Variants in SKP2 observed in about 807,000 individuals in gnomAD.
SKP2 encodes the protein S-phase kinase-associated protein 2.
Under a neutral mutation model 51.8 loss-of-function variants are expected in SKP2, and 16 were observed. The ratio of observed to expected loss-of-function variants is 0.31; its 90% CI spans 0.21 to 0.47. The LOEUF (loss-of-function observed/expected upper bound fraction) is 0.47, where lower values mean the gene tolerates loss of function less well. Among genes scored for constraint, SKP2 ranks in the 20% least tolerant of loss-of-function variants. SKP2 has a pLI of 1.00. For synonymous variants in SKP2, 176 were observed against 198.6 expected (o/e 0.89, Z 0.96); for missense variants, 377 against 505.3 (o/e 0.75, Z 2.43).
At chr5:36,177,692 T>C (rs1378255225) in intron 9 of SKP2, among the ~76,000 whole-genome samples, 6 of 152,026 alleles carry the variant, frequency 3.9e-5, no homozygotes, top group Non-Finnish European at 7.4e-5. Flanking sequence ...TTCCAAAACT[T>C]TCATCTGGGC....
Position 36,152,898 on chromosome 5 carries a change from C to T in SKP2, c.136C>T (p.Pro46Ser), listed in dbSNP as rs756921263. ...GGTCTCCGCCCTGGAGAAAGAGGAG[C>T]CCGACAGTGAGAACATCCCCCAGGA... ...MGVSALEKEE[P>S]DSENIPQELL... The change falls in exon 2 of 10, where the codon CCC becomes TCC. Residue 46 changes from proline to serine, a missense_variant. Pro to Ser is a moderately conservative substitution (Grantham distance 74, BLOSUM62 -1). This residue lies in a region of SKP2 where 115 missense variants were observed against 115.5 expected (regional missense o/e 1.00). Transcript: ENST00000274255. 1 of 1,614,026 alleles carries T rather than the reference C, an allele frequency of 6.2e-7. No homozygotes were observed.
At position 36,168,402 on chromosome 5, in the gene SKP2, A is replaced by G. The variant is rs769284911; in HGVS notation, c.626A>G (p.Gln209Arg). 1.2e-6 allele frequency: 2 copies of G among 1,614,204 alleles called. No individual in the cohort carries two copies. The highest frequency in any genetic ancestry group is 1.7e-6 in the Non-Finnish European group (2 of 1,180,020). ...ATACTGTCTCAGTGTTCCAAGTTGC[A>G]GAATCTAAGCCTGGAAGGCCTGCGG... is the stretch of plus-strand genomic sequence containing the variant. ...HGILSQCSKL[Q>R]NLSLEGLRLS... Residue 209 changes from glutamine (Q) to arginine (R), a missense_variant, in exon 5 of 10, where the codon CAG (glutamine) becomes CGG (arginine). By Grantham distance (43) the Gln-to-Arg change is conservative. Transcript: ENST00000274255.
rs113699621 is a variant in SKP2, at chr5:36,156,701, G to A, written c.280+3659G>A. ...ACAGGTGATAGCCATGAAAATGGAG[G>A]TGAACTAATTTGTTGATCAGCTCTT... is the stretch of plus-strand genomic sequence containing the variant. On this transcript the variant is annotated intron_variant, in intron 2 of 9. Coordinates refer to ENST00000274255, the MANE Select transcript of SKP2 (RefSeq NM_005983.4). 3.7e-3 allele frequency among the ~76,000 whole-genome samples: 556 copies of A among 152,310 alleles called. 1 individual carries two copies. The highest frequency in any genetic ancestry group is 5.8e-3 in the Admixed American group (89 of 15,300).
At chr5:36,160,600 T>C (rs553006401) in intron 2 of SKP2, among the ~76,000 whole-genome samples, 5 of 152,212 alleles carry the variant, frequency 3.3e-5, no homozygotes, top group Admixed American at 2.0e-4. Context: ...ACTATACTTA[T>C]AGCTAAATAT....
intron 2 of SKP2, among the ~76,000 whole-genome samples, chr5:36,155,676 A>G (rs1744923727): frequency 6.6e-6 from 1 of 152,192 alleles, no homozygotes; most frequent in Non-Finnish European, 1.5e-5. Context: ...TGTGTCTGGA[A>G]TGTAGCCCTA....
chr5:36,158,663 C>T (rs1391942226), intron 2 of SKP2, among the ~76,000 whole-genome samples: 1 of 152,204 alleles, frequency 6.6e-6, no homozygotes, highest in Non-Finnish European at 1.5e-5. Context: ...GTTTAATTCT[C>T]ACCTTTTCAA....
Position 36,183,047 on chromosome 5 carries a change from T to G in SKP2, c.*1016T>G. On this transcript the variant is annotated 3_prime_UTR_variant, in exon 10 of 10. Transcript: ENST00000274255. ...ATAATTGTTTGAAACTATCCATATA[T>G]AAGGTTATCAGACCTACAGTTCCCT... 1.0e-6 allele frequency: 1 copy of G among 964,744 alleles called. No individual in the cohort carries two copies. The highest frequency in any genetic ancestry group is 1.2e-6 in the Non-Finnish European group (1 of 811,226). 59.8% of individuals were successfully genotyped at this position (964,744 alleles called of 1,614,324 possible). A position where few individuals can be genotyped will look rare whatever the true frequency, so the allele number is the denominator to read the frequency against.
intron 6 of SKP2, among the ~76,000 whole-genome samples, chr5:36,192,289 G>A (rs1429012949): frequency 6.6e-6 from 1 of 152,132 alleles, no homozygotes; most frequent in Admixed American, 6.5e-5. Context: ...CAACTCATTA[G>A]TACATTTACT....
In SKP2 at chr5:36,183,883, A is replaced by G; in HGVS notation, c.*1852A>G. 6.2e-7 allele frequency: 1 copy of G among 1,600,788 alleles called. No homozygotes were observed. Among genetic ancestry groups the G allele is most frequent in the Non-Finnish European group, 8.5e-7 (1 of 1,172,996 alleles). The stretch of plus-strand genomic sequence containing the variant: ...GGTTAGGATCCGGTTGGACTCTGAC[A>G]TCGGATGCCCTCAAACATACAGAAC... On this transcript the variant is annotated 3_prime_UTR_variant, in exon 10 of 10. Transcript: ENST00000274255.
At chr5:36,173,995 G>A (rs1745554327) in intron 7 of SKP2, among the ~76,000 whole-genome samples, 1 of 152,044 alleles carries the variant, frequency 6.6e-6, no homozygotes, top group African/African-American at 2.4e-5. Flanking sequence ...ATCTCTTAGA[G>A]TTACAGGAAA....
intron 2 of SKP2, among the ~76,000 whole-genome samples, chr5:36,157,596 T>C (rs1224301506): frequency 1.3e-5 from 2 of 152,110 alleles, no homozygotes. Context: ...AAAGAAAGCA[T>C]GGGGTATTGC....
intron 7 of SKP2, among the ~76,000 whole-genome samples, chr5:36,175,444 C>T (rs1423492748): frequency 1.3e-5 from 2 of 152,064 alleles, no homozygotes. Context: ...GACGAAAAAA[C>T]CCTCAAATGT....
chr5:36,168,305 G>C lies in SKP2; in HGVS notation c.537-8G>C, dbSNP rs780308267. On this transcript the variant is annotated splice_polypyrimidine_tract_variant and splice_region_variant and intron_variant, in intron 4 of 9. Transcript: ENST00000274255. The stretch of plus-strand genomic sequence containing the variant: ...CCTATGGAGCTCCTTTTTTCTCTCC[G>C]TGTTTAGCCCTTTTCGTGTACAGCA... 1.2e-6 allele frequency: 2 copies of C among 1,610,476 alleles called. No individual in the cohort carries two copies. Among genetic ancestry groups the C allele is most frequent in the Non-Finnish European group, 1.7e-6 (2 of 1,178,680 alleles).
At chr5:36,159,100 G>A (rs1438068269) in intron 2 of SKP2, among the ~76,000 whole-genome samples, 1 of 152,192 alleles carries the variant, frequency 6.6e-6, no homozygotes, top group Non-Finnish European at 1.5e-5. Flanking sequence ...GCAAATCTGG[G>A]CATGGGGCCT....
At chr5:36,187,829 G>A (rs1403882972), downstream of SKP2, among the ~76,000 whole-genome samples, 1 of 152,198 alleles carries the variant, frequency 6.6e-6, no homozygotes, top group Non-Finnish European at 1.5e-5. Flanking sequence ...AATGTTGACA[G>A]TGGGGTGTTA....
chr5:36,191,802 A>G (rs12514998), intron 6 of SKP2, among the ~76,000 whole-genome samples: 1,793 of 152,200 alleles, frequency 0.012, 20 homozygotes, highest in Admixed American at 0.037. Context: ...TTTCTTTACT[A>G]TTCCTCCCCA....
chr5:36,164,854 G>T (rs984179365), intron 3 of SKP2, among the ~76,000 whole-genome samples: 2 of 152,160 alleles, frequency 1.3e-5, no homozygotes, highest in Non-Finnish European at 2.9e-5. Flanking sequence ...ATAAGTATGT[G>T]AAATGGCTGC....
In SKP2 at chr5:36,182,459, A is replaced by G. The variant is rs1483880967; in HGVS notation, c.*428A>G. 25 of 988,678 alleles carry G rather than the reference A, an allele frequency of 2.5e-5. No homozygotes were observed. Among genetic ancestry groups the G allele is most frequent in the Non-Finnish European group, 2.9e-5 (24 of 830,920 alleles). The allele number at this position is 988,678 out of a possible 1,614,324, so 61.2% of individuals were successfully genotyped here. ...CTTTATAAGACAGCTTAGAAGAACA[A>G]TAAGCTATTTGTATTATGAGCTGAA... On this transcript the variant is annotated 3_prime_UTR_variant, in exon 10 of 10. Transcript: ENST00000274255.
intron 6 of SKP2, among the ~76,000 whole-genome samples, chr5:36,171,203 A>G (rs2111987427): frequency 6.6e-6 from 1 of 152,316 alleles, no homozygotes; most frequent in East Asian, 1.9e-4. Flanking sequence ...TTGCAATATC[A>G]GCATCTCTTT....
Sources: gnomAD v4.1 joint callset for allele counts (sites outside exome capture counted in the v4.1 genomes callset) on GRCh38, gnomAD v4.1.1 for gene constraint, gnomAD v4.1.1 regional missense constraint, MANE v1.5 for transcripts, NCBI Gene and HGNC (gene_info 2026-07-23, HGNC 2026-07-21) for gene names.